Variants in IGLON5 observed in about 807,000 individuals in gnomAD.
The protein encoded by IGLON5 is Ig-like domain-containing protein ENSP00000270642.
A neutral mutation model predicts 38.2 loss-of-function variants in IGLON5; 16 were observed. The observed-to-expected ratio is 0.42, with a 90% confidence interval of 0.28 to 0.64. IGLON5 has a LOEUF of 0.64. Among genes scored for constraint, IGLON5 ranks in the 30% least tolerant of loss-of-function variants. The probability of loss-of-function intolerance (pLI) is 0.23; values close to 1 mark genes in which losing one functional copy is unlikely to be tolerated. For missense variants in IGLON5, 366 were observed against 483.4 expected, an observed-to-expected ratio of 0.76 and a Z score of 2.28; for synonymous variants, 207 against 216.4, an observed-to-expected ratio of 0.96 and a Z score of 0.38.
At chr19:51,313,637 C>CTT (rs1984828000) in intron 1 of IGLON5, among the ~76,000 whole-genome samples, 1 of 110,152 alleles carries the variant, frequency 9.1e-6, no homozygotes, top group South Asian at 2.6e-4. Context: ...CTTTTTCTCT[C>CTT]TCTCTCTCTT....
intron 1 of IGLON5, among the ~76,000 whole-genome samples, chr19:51,316,039 G>A (rs1272775273): frequency 6.6e-6 from 1 of 151,934 alleles, no homozygotes; most frequent in Non-Finnish European, 1.5e-5. Flanking sequence ...AGACCTTGAG[G>A]TGGGACCAAC....
rs1166873916 is a variant in IGLON5, at chr19:51,327,805, G to T, written c.841G>T (p.Val281Leu). 1.9e-6 allele frequency: 3 copies of T among 1,562,658 alleles called. No individual in the cohort carries two copies. Residue 281 changes from valine (V) to leucine (L), a missense_variant, in exon 7 of 8, where the codon GTG (valine) becomes TTG (leucine). Physicochemically the swap from Val to Leu is conservative, Grantham distance 32 (BLOSUM62 1). Transcript: ENST00000270642. The surrounding 1 kb of genome is among the most constrained non-coding windows in gnomAD (Gnocchi z 7.1). ...RTRSMLLFAN[V>L]SARHYGNYTC... ...CCGCTCGATGCTTCTCTTTGCCAAC[G>T]TGAGCGCCCGGCATTACGGCAACTA...
Position 51,327,745 on chromosome 19 carries a change from A to T in IGLON5, c.781A>T (p.Thr261Ser). 6.3e-7 allele frequency: 1 copy of T among 1,575,282 alleles called. No individual in the cohort carries two copies. Among genetic ancestry groups the T allele is most frequent in the Non-Finnish European group, 8.6e-7 (1 of 1,163,496 alleles). ...GATCCCTGGCAGGCTGAGCAGCGGC[A>T]CGGCCGAAGGCCTGAAGGTGCAGAC... ...YKDDRLLSSG[T>S]AEGLKVQTER... The change falls in exon 7 of 8, where the codon ACG becomes TCG. Residue 261 changes from threonine (T) to serine (S), a missense_variant. Thr to Ser is a moderately conservative substitution (Grantham distance 58). Transcript: ENST00000270642. The surrounding 1 kb of genome is among the most constrained non-coding windows in gnomAD (Gnocchi z 7.1).
At chr19:51,316,172 C>T (rs540690897) in intron 1 of IGLON5, among the ~76,000 whole-genome samples, 2 of 99,394 alleles carry the variant, frequency 2.0e-5, no homozygotes, top group South Asian at 5.6e-4. Flanking sequence ...ATGGGGAAAC[C>T]CCATATCTAC....
intron 1 of IGLON5, among the ~76,000 whole-genome samples, chr19:51,312,919 AG>A (rs201431212): frequency 0.022 from 3,316 of 152,110 alleles, 125 homozygotes; most frequent in African/African-American, 0.077. Flanking sequence ...AGGAGGCAGG[AG>A]GCTGGAGGGT....
At chr19:51,322,730 A>C (rs1429456581) in intron 2 of IGLON5, among the ~76,000 whole-genome samples, 12 of 83,316 alleles carry the variant, frequency 1.4e-4, no homozygotes, top group Admixed American at 6.9e-4. Context: ...TCTCTGCTGG[A>C]TCTCTGTCCC....
rs148955757 is a variant in IGLON5, at chr19:51,324,340, A to G, written c.391+446A>G. ...GAAAAGAAACAGTGTGTGCAGGGCC[A>G]GGCAAGAAGATGAGCCAAGTGTGCA... is the stretch of plus-strand genomic sequence containing the variant. On this transcript the variant is annotated intron_variant, in intron 3 of 7. Coordinates refer to ENST00000270642, the MANE Select transcript of IGLON5 (RefSeq NM_001101372.3). This position sits in a 1 kb window ranked among gnomAD's most constrained non-coding sequence, Gnocchi z 4.2. Among the ~76,000 whole-genome samples the G allele has an allele frequency of 4.6e-3, 704 of 152,306 alleles. 3 individuals carry two copies. Among genetic ancestry groups the G allele is most frequent in the Middle Eastern group, 0.034 (10 of 294 alleles).
At chr19:51,326,134 T>C (rs1476654382) in intron 4 of IGLON5, among the ~76,000 whole-genome samples, 1 of 150,856 alleles carries the variant, frequency 6.6e-6, no homozygotes, top group Non-Finnish European at 1.5e-5. Context: ...ATCCTCATTC[T>C]CAGGGTCTTT....
In IGLON5 at chr19:51,330,640, G is replaced by A. The variant is rs1431666230; in HGVS notation, c.*1881G>A. 6.6e-6 allele frequency among the ~76,000 whole-genome samples: 1 copy of A among 152,146 alleles called. No individual in the cohort carries two copies. The highest frequency in any genetic ancestry group is 1.5e-5 in the Non-Finnish European group (1 of 68,020). ...CTTTTCTGCTGGATATTGTGGCTCC[G>A]TGATGTGAAGTCAACATCTGTAGGG... On this transcript the variant is annotated 3_prime_UTR_variant, in exon 8 of 8. Coordinates refer to ENST00000270642, the MANE Select transcript of IGLON5 (RefSeq NM_001101372.3).
rs1365250362 is a variant in IGLON5, at chr19:51,329,423, A to G, written c.*664A>G. 6.6e-6 allele frequency: 1 copy of G among 152,218 alleles called. No individual in the cohort carries two copies. Among genetic ancestry groups the G allele is most frequent in the Non-Finnish European group, 1.5e-5 (1 of 68,070 alleles). The allele number at this position is 152,218 out of a possible 1,614,324, so 9.4% of individuals were successfully genotyped here. ...CTTTGTGAGTAAGTGGGGGACCTCCATCTAGGCTCTGGGCTTCCCTGCTGT... is the reference window on the plus strand; with the variant it reads ...CTTTGTGAGTAAGTGGGGGACCTCCGTCTAGGCTCTGGGCTTCCCTGCTGT... On this transcript the variant is annotated 3_prime_UTR_variant, in exon 8 of 8. Transcript: ENST00000270642. This position sits in a 1 kb window ranked among gnomAD's most constrained non-coding sequence, Gnocchi z 4.3.
chr19:51,311,949 G>T (rs1984775057), intron 1 of IGLON5, 23 bp downstream of exon 1: 2 of 1,259,472 alleles, frequency 1.6e-6, no homozygotes, highest in Non-Finnish European at 2.0e-6. Flanking sequence ...CGGGGGCGGG[G>T]GGCTCGGCCG....
In IGLON5 at chr19:51,327,221, G is replaced by C; in HGVS notation, c.767+21G>C. On this transcript the variant is annotated intron_variant, in intron 6 of 7. Transcript: ENST00000270642. The surrounding 1 kb of genome is among the most constrained non-coding windows in gnomAD (Gnocchi z 7.1). ...AGACTGTGAGGACAGCACTGAGGGG[G>C]CCGTGGGAGCGGGAAGGGGAGGTCT... The C allele has an allele frequency of 1.3e-6, 2 of 1,599,452 alleles. No homozygotes were observed. The highest frequency in any genetic ancestry group is 2.2e-5 in the South Asian group (2 of 90,600).
intron 1 of IGLON5, among the ~76,000 whole-genome samples, chr19:51,315,803 C>T (rs1203444288): frequency 2.0e-5 from 3 of 147,654 alleles, no homozygotes; most frequent in South Asian, 2.2e-4. Flanking sequence ...TCACACCATT[C>T]TCCTGCCTCA....
chr19:51,321,907 G>A (rs761292004), intron 1 of IGLON5, among the ~76,000 whole-genome samples, 157 bp from the exon 2 acceptor site: 5 of 152,072 alleles, frequency 3.3e-5, no homozygotes, highest in Non-Finnish European at 5.9e-5. Context: ...GTCTGTGTCC[G>A]CAAGGACGTG....
intron 1 of IGLON5, among the ~76,000 whole-genome samples, chr19:51,312,662 G>A (rs932953914): frequency 2.0e-5 from 3 of 152,238 alleles, no homozygotes; most frequent in Non-Finnish European, 2.9e-5. Context: ...GTCTAGGTTC[G>A]TGGGGCTGGA....
chr19:51,329,633 G>A lies in IGLON5; in HGVS notation c.*874G>A, dbSNP rs1599829916. On this transcript the variant is annotated 3_prime_UTR_variant, in exon 8 of 8. Transcript: ENST00000270642. This position sits in a 1 kb window ranked among gnomAD's most constrained non-coding sequence, Gnocchi z 4.3. ...TGTTTCAGTGCTTTGCCCTACCCTT[G>A]CCACCACTCCCCTTGGCCTTGATTT... 1 of 152,164 alleles carries A rather than the reference G, an allele frequency of 6.6e-6. No individual in the cohort carries two copies. The highest frequency in any genetic ancestry group is 2.1e-4 in the South Asian group (1 of 4,830). 9.4% of individuals were successfully genotyped at this position (152,164 alleles called of 1,614,324 possible).
Position 51,327,120 on chromosome 19 carries a change from G to A in IGLON5, c.687G>A (p.Ala229=), listed in dbSNP as rs778295433. 3.1e-6 allele frequency: 5 copies of A among 1,611,518 alleles called. No homozygotes were observed. The highest frequency in any genetic ancestry group is 3.4e-6 in the Non-Finnish European group (4 of 1,179,382). The change falls in exon 6 of 8, where the codon GCG becomes GCA. Residue 229 remains alanine (A), a synonymous_variant. Transcript: ENST00000270642. This position sits in a 1 kb window ranked among gnomAD's most constrained non-coding sequence, Gnocchi z 7.1. The part of the protein sequence containing the change: ...TITDVTSART[A]LGRAALLRCE... Reference sequence around the variant, plus strand: ...CGGACGTGACCAGCGCCCGCACCGCGCTGGGCCGGGCCGCCCTCCTGCGCT... The same window carrying A: ...CGGACGTGACCAGCGCCCGCACCGCACTGGGCCGGGCCGCCCTCCTGCGCT...
chr19:51,329,827 GAC>G lies in IGLON5; in HGVS notation c.*1095_*1096del, dbSNP rs60928654. The G allele has an allele frequency of 0.17, 24,601 of 146,722 alleles. 3,537 individuals are homozygous for G. The highest frequency in any genetic ancestry group is 0.39 in the African/African-American group (15,810 of 40,520). The allele number at this position is 146,722 out of a possible 1,614,324, so 9.1% of individuals were successfully genotyped here. A position where few individuals can be genotyped will look rare whatever the true frequency, so the allele number is the denominator to read the frequency against. Reference sequence around the variant, plus strand: ...CACCACACACACATACACACACACAGACACACACACACACACACACACACACA... The same window carrying G: ...CACCACACACACATACACACACACAGACACACACACACACACACACACACA... On this transcript the variant is annotated 3_prime_UTR_variant, in exon 8 of 8. Coordinates refer to ENST00000270642, the MANE Select transcript of IGLON5 (RefSeq NM_001101372.3). The surrounding 1 kb of genome is among the most constrained non-coding windows in gnomAD (Gnocchi z 4.3).
Position 51,327,823 on chromosome 19 carries a change from G to C in IGLON5, c.859G>C (p.Gly287Arg), listed in dbSNP as rs1164442989. The C allele has an allele frequency of 6.4e-7, 1 of 1,553,202 alleles. No individual in the cohort carries two copies. The highest frequency in any genetic ancestry group is 1.4e-5 in the African/African-American group (1 of 73,058). ...TGCCAACGTGAGCGCCCGGCATTAC[G>C]GCAACTATACGTGTCGCGCCGCCAA... is the stretch of plus-strand genomic sequence containing the variant. ...LFANVSARHY[G>R]NYTCRAANRL... Residue 287 changes from glycine to arginine, a missense_variant, in exon 7 of 8, where the codon GGC (glycine) becomes CGC (arginine). By Grantham distance (125) the Gly-to-Arg change is moderately radical. Coordinates refer to ENST00000270642, the MANE Select transcript of IGLON5 (RefSeq NM_001101372.3). This position sits in a 1 kb window ranked among gnomAD's most constrained non-coding sequence, Gnocchi z 7.1.
Sources: gnomAD v4.1 joint callset for allele counts (sites outside exome capture counted in the v4.1 genomes callset) on GRCh38, gnomAD v4.1.1 for gene constraint, Gnocchi (gnomAD v3.1) non-coding constraint, MANE v1.5 for transcripts, NCBI Gene and HGNC (gene_info 2026-07-23, HGNC 2026-07-21) for gene names.